The following SIN3B variants were observed in gnomAD, a reference collection of about 807,000 sequenced individuals.
SIN3B encodes the protein paired amphipathic helix protein Sin3b.
SIN3B carries 19 observed loss-of-function variants against 120.2 expected under a neutral mutation model. That is an observed-to-expected ratio of 0.16 (90% confidence interval 0.11 to 0.23). The LOEUF is 0.23. Ranked by LOEUF, SIN3B falls within the 10% of genes least tolerant of loss-of-function variation. The probability of loss-of-function intolerance (pLI) is 1.00; values close to 1 mark genes in which losing one functional copy is unlikely to be tolerated. For missense variants in SIN3B, 1,073 were observed against 1,573.0 expected (o/e 0.68, Z 5.38); for synonymous variants, 654 against 653.2 (o/e 1.00, Z -0.02).
intron 17 of SIN3B, 119 bp downstream of exon 17, chr19:16,877,758 C>A (rs1247632984): frequency 2.4e-5 from 18 of 737,066 alleles, no homozygotes; most frequent in Non-Finnish European, 2.8e-5. Context: ...TAGGTGCCTG[C>A]TGTGTGCTGA....
intron 16 of SIN3B, chr19:16,877,292 A>C (rs1461529151): frequency 7.9e-6 from 4 of 505,200 alleles, no homozygotes; most frequent in Middle Eastern, 5.2e-4. Context: ...CTGCTCTTCC[A>C]GCTTCCGGGG....
In SIN3B at chr19:16,865,634, C is replaced by T. The variant is rs202186432; in HGVS notation, c.1608C>T (p.Pro536=). The change falls in exon 11 of 19, where the codon CCC becomes CCT. Residue 536 remains proline (P), a synonymous_variant. Transcript: ENST00000248054. ...SLKKNPVTAV[P]VVLKRLKAKE... The stretch of plus-strand genomic sequence containing the variant: ...AGAAGAACCCTGTCACCGCTGTCCC[C>T]GTTGTCCTGAAAAGGTGCCCTGTGG... 28 of 1,605,456 alleles carry T rather than the reference C, an allele frequency of 1.7e-5. No individual in the cohort carries two copies. In the African/African-American group the frequency reaches 2.3e-4, roughly 13 times the overall value.
At chr19:16,877,463 CTCCTGAACTCAGAG>C in intron 16 of SIN3B, 68 bp from the exon 17 acceptor site, 1 of 1,020,316 alleles carries the variant, frequency 9.8e-7, no homozygotes, top group Non-Finnish European at 1.5e-6. Flanking sequence ...CCCCTGTGAG[CTCCTGAACTCAGAG>C]TCCAGAGTAA....
At chr19:16,866,886 G>A (rs773910) in intron 12 of SIN3B, among the ~76,000 whole-genome samples, 97,684 of 152,072 alleles carry the variant, frequency 0.64, 32,219 homozygotes, top group African/African-American at 0.78. Flanking sequence ...CCTCCTGAGT[G>A]GCTGGGACTA....
chr19:16,862,382 G>A lies in SIN3B; in HGVS notation c.1089G>A (p.Lys363=), dbSNP rs1276173661. 9.9e-6 allele frequency: 16 copies of A among 1,614,088 alleles called. No homozygotes were observed. The highest frequency in any genetic ancestry group is 1.4e-5 in the Non-Finnish European group (16 of 1,180,020). ...TTCCAGAACTCTTTGCACAGTTCAA[G>A]TCCTTCCTGGGGGTAAAAGAGCTGT... ...GKFPELFAQF[K]SFLGVKELSF... The change falls in exon 9 of 19, where the codon AAG becomes AAA. Residue 363 remains lysine, a synonymous_variant. Coordinates refer to ENST00000248054, the MANE Select transcript of SIN3B (RefSeq NM_001297595.2). This position sits in a 1 kb window ranked among gnomAD's most constrained non-coding sequence, Gnocchi z 4.7.
intron 12 of SIN3B, 26 bp from the exon 13 acceptor site, chr19:16,869,434 C>T (rs2051474937): frequency 1.9e-6 from 3 of 1,581,962 alleles, no homozygotes; most frequent in Non-Finnish European, 2.6e-6. Flanking sequence ...TGGCTTTCCA[C>T]CTAATGGCCG....
At position 16,851,444 on chromosome 19, in the gene SIN3B, C is replaced by T. The variant is rs773875029; in HGVS notation, c.759C>T (p.Ser253=). 163 of 1,608,070 alleles carry T rather than the reference C, an allele frequency of 1.0e-4. 2 individuals carry two copies. The Admixed American group carries it at 1.5e-3, about 14-fold the overall frequency. The stretch of plus-strand genomic sequence containing the variant: ...GAAACGGGCCGTGCGAGATGCACAG[C>T]GTGCAGAAGAACGAGCACGACAAGA... The part of the protein sequence containing the change: ...FTGNGPCEMH[S]VQKNEHDKTP... Residue 253 remains serine, a synonymous_variant, in exon 6 of 19, where the codon AGC becomes AGT. Transcript: ENST00000248054.
chr19:16,876,692 G>A lies in SIN3B; in HGVS notation c.2859+114G>A. The stretch of plus-strand genomic sequence containing the variant: ...CGCAGCATCCAGAGACCCTCCCTCT[G>A]CAGGCCACAGGCTCTCCTTGAGGCC... On this transcript the variant is annotated intron_variant, in intron 16 of 18. Transcript: ENST00000248054. This position sits in a 1 kb window ranked among gnomAD's most constrained non-coding sequence, Gnocchi z 7.1. 5.2e-6 allele frequency: 4 copies of A among 771,760 alleles called. No homozygotes were observed. The South Asian group carries it at 5.4e-5, about 10-fold the overall frequency. The allele number at this position is 771,760 out of a possible 1,614,324, so 47.8% of individuals were successfully genotyped here.
At chr19:16,874,624 T>C (rs371463168) in intron 14 of SIN3B, among the ~76,000 whole-genome samples, 1 of 151,218 alleles carries the variant, frequency 6.6e-6, no homozygotes, top group Non-Finnish European at 1.5e-5. Context: ...CTGGTCTGGT[T>C]TTGGTCTGGT....
Position 16,871,729 on chromosome 19 carries a change from G to C in SIN3B, c.2592+331G>C, listed in dbSNP as rs539515482. The C allele has an allele frequency of 6.6e-5, 18 of 273,126 alleles. No homozygotes were observed. In the Admixed American group the frequency reaches 7.9e-4, roughly 12 times the overall value. The allele number at this position is 273,126 out of a possible 1,614,324, so 16.9% of individuals were successfully genotyped here. A position where few individuals can be genotyped will look rare whatever the true frequency, so the allele number is the denominator to read the frequency against. On this transcript the variant is annotated intron_variant, in intron 14 of 18. Coordinates refer to ENST00000248054, the MANE Select transcript of SIN3B (RefSeq NM_001297595.2). ...ATCCAGTCAACTGCTTTCTGCCTCT[G>C]TATTTCCCTCGTGCTTCATTCCTTT...
intron 8 of SIN3B, among the ~76,000 whole-genome samples, chr19:16,860,311 C>T (rs1210768228): frequency 1.3e-5 from 2 of 152,174 alleles, no homozygotes; most frequent in East Asian, 3.9e-4. Flanking sequence ...CTGGCAGCCG[C>T]GTGGCAGCCA....
intron 3 of SIN3B, among the ~76,000 whole-genome samples, chr19:16,835,026 A>G (rs1971328905): frequency 6.6e-6 from 1 of 150,668 alleles, no homozygotes; most frequent in African/African-American, 2.4e-5. Flanking sequence ...TCCCCAGTTC[A>G]AGCGATTCTC....
At chr19:16,845,460 A>G (rs1971467323) in intron 4 of SIN3B, among the ~76,000 whole-genome samples, 2 of 152,098 alleles carry the variant, frequency 1.3e-5, no homozygotes, top group South Asian at 2.1e-4. Context: ...TTTAGTAGAG[A>G]TAGGGTTTCA....
chr19:16,831,673 A>G (rs1488311409), intron 3 of SIN3B, 26 bp downstream of exon 3: 1 of 1,611,334 alleles, frequency 6.2e-7, no homozygotes, highest in Admixed American at 1.7e-5. Context: ...GGTTCGGGTG[A>G]TCTCAGCCTT....
chr19:16,847,913 C>G (rs1971499689), intron 5 of SIN3B, among the ~76,000 whole-genome samples: 1 of 152,194 alleles, frequency 6.6e-6, no homozygotes. Flanking sequence ...CCCCATTCAC[C>G]TCCCCCAGCT....
rs768936961 is a variant in SIN3B at position 16,877,552 on chromosome 19, C to T, written c.2867C>T (p.Ala956Val). The T allele has an allele frequency of 8.7e-6, 14 of 1,608,008 alleles. No individual in the cohort carries two copies. In the South Asian group the frequency reaches 1.5e-4, roughly 17 times the overall value. ...TEDPVEVQHL[A>V]RYVEQYVGTE... ...GTCTCTCCCTGTCCCCAGCACCTGG[C>T]TCGGTACGTGGAGCAGTATGTGGGG... The change falls in exon 17 of 19, where the codon GCT (alanine) becomes GTT (valine). Residue 956 changes from alanine (A) to valine (V), a missense_variant. Coordinates refer to ENST00000248054, the MANE Select transcript of SIN3B (RefSeq NM_001297595.2).
chr19:16,831,470 G>A (rs780724977), intron 2 of SIN3B, 24 bp from the exon 3 acceptor site: 51 of 1,609,138 alleles, frequency 3.2e-5, no homozygotes, highest in Non-Finnish European at 4.1e-5. Context: ...AGACCCTTTT[G>A]CCCACTTCCG....
chr19:16,869,023 C>T (rs923305182), intron 12 of SIN3B, among the ~76,000 whole-genome samples: 5 of 152,154 alleles, frequency 3.3e-5, no homozygotes, highest in African/African-American at 7.2e-5. Context: ...CAGCCCCGGT[C>T]GAGCTGGAAT....
At chr19:16,865,169 C>T in intron 10 of SIN3B, 1 of 511,878 alleles carries the variant, frequency 2.0e-6, no homozygotes, top group South Asian at 2.6e-5. Context: ...TGGTGCACAC[C>T]TATATTCCTA....
Sources: gnomAD v4.1 joint callset for allele counts (sites outside exome capture counted in the v4.1 genomes callset) on GRCh38, gnomAD v4.1.1 for gene constraint, Gnocchi (gnomAD v3.1) non-coding constraint, MANE v1.5 for transcripts, NCBI Gene and HGNC (gene_info 2026-07-23, HGNC 2026-07-21) for gene names.